The following DYNC1LI2 variants were observed in gnomAD, a reference collection of about 807,000 sequenced individuals.
DYNC1LI2 encodes the protein cytoplasmic dynein 1 light intermediate chain 2.
In DYNC1LI2, 19 loss-of-function variants were observed where a neutral mutation model predicts 57.8. The observed-to-expected ratio is 0.33, with a 90% confidence interval of 0.23 to 0.48. The LOEUF (loss-of-function observed/expected upper bound fraction) is 0.48. DYNC1LI2 is among the 20% of genes least tolerant of loss of function. The probability of loss-of-function intolerance (pLI) is 0.99; values close to 1 mark genes in which losing one functional copy is unlikely to be tolerated. For synonymous variants in DYNC1LI2, 256 were observed against 233.4 expected (o/e 1.10, Z -0.88); for missense variants, 470 against 604.2 (o/e 0.78, Z 2.33).
At chr16:66,736,454 C>T (rs935135253) in intron 4 of DYNC1LI2, among the ~76,000 whole-genome samples, 3 of 152,124 alleles carry the variant, frequency 2.0e-5, no homozygotes, top group East Asian at 1.9e-4. Flanking sequence ...TTTGTAACAT[C>T]GGGGCAGCAA....
rs1426424019 is a variant in DYNC1LI2, at chr16:66,722,265, GTTATGCTTAGA to G, written c.*1446_*1456del. 1 of 152,606 alleles carries G rather than the reference GTTATGCTTAGA, an allele frequency of 6.6e-6. No individual in the cohort carries two copies. The highest frequency in any genetic ancestry group is 2.4e-5 in the African/African-American group (1 of 41,432). 9.5% of individuals were successfully genotyped at this position (152,606 alleles called of 1,614,324 possible). ...ATGTAAAAGTAATGACATTAGGGAA[GTTATGCTTAGA>G]CACAGTACAACAAACATTCATATAA... is the stretch of plus-strand genomic sequence containing the variant. On this transcript the variant is annotated 3_prime_UTR_variant, in exon 13 of 13. Coordinates refer to ENST00000258198, the MANE Select transcript of DYNC1LI2 (RefSeq NM_006141.3).
At chr16:66,750,978 C>T (rs2018036549) in intron 2 of DYNC1LI2, among the ~76,000 whole-genome samples, 1 of 152,230 alleles carries the variant, frequency 6.6e-6, no homozygotes, top group South Asian at 2.1e-4. Context: ...ACTAGCTTCC[C>T]CTCTCCACGA....
intron 3 of DYNC1LI2, among the ~76,000 whole-genome samples, chr16:66,744,023 A>G (rs1457414460): frequency 6.6e-6 from 1 of 152,208 alleles, no homozygotes; most frequent in Non-Finnish European, 1.5e-5. Context: ...CAGAGCAAAG[A>G]GTAAAAGTAC....
chr16:66,741,797 G>A (rs1596995603), intron 4 of DYNC1LI2, among the ~76,000 whole-genome samples: 1 of 147,094 alleles, frequency 6.8e-6, no homozygotes, highest in African/African-American at 2.5e-5. Context: ...ACCACATTAA[G>A]GAAAAAAAAA....
rs191227834 is a variant in DYNC1LI2 at position 66,750,175 on chromosome 16, G to A, written c.182-862C>T. On this transcript the variant is annotated intron_variant, in intron 2 of 12. Transcript: ENST00000258198. The stretch of plus-strand genomic sequence containing the variant: ...GAGCTACTGTCCCTCTGCAGGCAGC[G>A]TTCTTTCTAAAACTCAGATCTGGTG... Among the ~76,000 whole-genome samples, 919 of 152,246 alleles carry A rather than the reference G, an allele frequency of 6.0e-3. 7 individuals carry two copies. The highest frequency in any genetic ancestry group is 9.4e-3 in the Non-Finnish European group (639 of 68,016).
intron 4 of DYNC1LI2, 104 bp downstream of exon 4, chr16:66,742,334 A>T: frequency 8.3e-7 from 1 of 1,203,566 alleles, no homozygotes; most frequent in Non-Finnish European, 1.1e-6. Context: ...ACAAAACAAA[A>T]CCACGAAGCA....
intron 11 of DYNC1LI2, among the ~76,000 whole-genome samples, chr16:66,727,430 A>C (rs2017555871): frequency 6.6e-6 from 1 of 152,212 alleles, no homozygotes. Context: ...TGAAGGAATG[A>C]GCAGGGCCTA....
rs1567446364 is a variant in DYNC1LI2, at chr16:66,723,767, C to T, written c.1434G>A (p.Lys478=). The change falls in exon 13 of 13, where the codon AAG becomes AAA. Residue 478 remains lysine (K), a synonymous_variant. Coordinates refer to ENST00000258198, the MANE Select transcript of DYNC1LI2 (RefSeq NM_006141.3). The part of the protein sequence containing the change: ...VQEELDRMTR[K]PDSMVTNSST... ...AAGAGTTTGTTACCATAGAGTCTGG[C>T]TTTCGAGTCATTCTATCCAGTTCTT... 1 of 1,609,192 alleles carries T rather than the reference C, an allele frequency of 6.2e-7. No homozygotes were observed. Among genetic ancestry groups the T allele is most frequent in the African/African-American group, 1.3e-5 (1 of 74,324 alleles).
rs1489462539 is a variant in DYNC1LI2 at position 66,729,060 on chromosome 16, C to A, written c.1081G>T (p.Val361Leu). 1 of 1,614,118 alleles carries A rather than the reference C, an allele frequency of 6.2e-7. No homozygotes were observed. Among genetic ancestry groups the A allele is most frequent in the Non-Finnish European group, 8.5e-7 (1 of 1,180,056 alleles). The change falls in exon 9 of 13, where the codon GTG (valine) becomes TTG (leucine). Residue 361 changes from valine to leucine, a missense_variant. Physicochemically the swap from Val to Leu is conservative, Grantham distance 32 (BLOSUM62 1). Transcript: ENST00000258198. Reference sequence around the variant, plus strand: ...CTTACCTGTTGCTTCATTAGGAACACCTGCTCATCTTCTGCTGCCAACTCT... The same window carrying A: ...CTTACCTGTTGCTTCATTAGGAACAACTGCTCATCTTCTGCTGCCAACTCT... ...DKELAAEDEQ[V>L]FLMKQQSLLA...
intron 6 of DYNC1LI2, chr16:66,733,137 T>C (rs1434834632): frequency 6.6e-6 from 1 of 152,178 alleles, no homozygotes; most frequent in East Asian, 1.9e-4. Flanking sequence ...AACAATACCC[T>C]GTTTGGTAAT....
chr16:66,745,267 T>G (rs2017914917), intron 3 of DYNC1LI2, among the ~76,000 whole-genome samples: 1 of 151,774 alleles, frequency 6.6e-6, no homozygotes, highest in Non-Finnish European at 1.5e-5. Flanking sequence ...TATTAATACT[T>G]TTTCTTTTTG....
intron 3 of DYNC1LI2, among the ~76,000 whole-genome samples, chr16:66,743,829 C>G (rs530999100): frequency 6.6e-6 from 1 of 152,222 alleles, no homozygotes; most frequent in African/African-American, 2.4e-5. Flanking sequence ...AAAATCATCA[C>G]TTACATAAAC....
At chr16:66,734,707 C>T (rs1188026878) in intron 5 of DYNC1LI2, among the ~76,000 whole-genome samples, 1 of 151,818 alleles carries the variant, frequency 6.6e-6, no homozygotes, top group African/African-American at 2.4e-5. Context: ...TTTTAAAACC[C>T]AAAATGTGGC....
At chr16:66,729,940 C>T (rs1403719272) in intron 8 of DYNC1LI2, among the ~76,000 whole-genome samples, 172 bp downstream of exon 8, 1 of 152,070 alleles carries the variant, frequency 6.6e-6, no homozygotes, top group Non-Finnish European at 1.5e-5. Context: ...TGCCACCATA[C>T]CCAGCTAATT....
chr16:66,743,190 CA>C (rs534645196), intron 3 of DYNC1LI2, among the ~76,000 whole-genome samples: 1 of 108,892 alleles, frequency 9.2e-6, no homozygotes, highest in East Asian at 3.4e-4. Context: ...AAAACAAAAA[CA>C]AAACAAACAA....
At chr16:66,741,799 A>G (rs1458249106) in intron 4 of DYNC1LI2, among the ~76,000 whole-genome samples, 1 of 150,898 alleles carries the variant, frequency 6.6e-6, no homozygotes, top group African/African-American at 2.4e-5. Context: ...CACATTAAGG[A>G]AAAAAAAACC....
intron 4 of DYNC1LI2, among the ~76,000 whole-genome samples, chr16:66,741,897 C>CAAAAAAAAAAAAAAAAAAAAAAAA (rs66527903): frequency 9.4e-6 from 1 of 106,848 alleles, no homozygotes; most frequent in Non-Finnish European, 1.9e-5. Context: ...ATGTTAATTA[C>CAAAAAAAAAAAAAAAAAAAAAAAA]AAAAAAAAAA....
chr16:66,732,585 G>A (rs2017657727), intron 6 of DYNC1LI2, 111 bp from the exon 7 acceptor site: 2 of 1,158,212 alleles, frequency 1.7e-6, no homozygotes, highest in South Asian at 4.2e-5. Context: ...CAATATATGA[G>A]CAACAGAAAG....
chr16:66,728,901 A>C, intron 9 of DYNC1LI2, 139 bp downstream of exon 9: 1 of 826,780 alleles, frequency 1.2e-6, no homozygotes, highest in Non-Finnish European at 2.0e-6. Context: ...TAAGGAGGGA[A>C]TGAGGAGACC....
Sources: allele counts gnomAD v4.1 joint callset (sites outside exome capture counted in the v4.1 genomes callset), GRCh38; gene constraint gnomAD v4.1.1; transcripts MANE v1.5; gene names NCBI Gene and HGNC (gene_info 2026-07-23, HGNC 2026-07-21).